The following BDKRB2 variants were observed in gnomAD, a reference collection of about 807,000 sequenced individuals.
The protein encoded by BDKRB2 is B2 bradykinin receptor.
A neutral mutation model predicts 4.0 loss-of-function variants in BDKRB2; 6 were observed. The observed-to-expected ratio is 1.49, with a 90% confidence interval of 0.81 to 2.93. The LOEUF is 2.93. BDKRB2 is among the 30% of genes most tolerant of loss of function. The pLI is 0.00. For synonymous variants in BDKRB2, 225 were observed against 215.3 expected (o/e 1.05, Z -0.40); for missense variants, 478 against 520.1 (o/e 0.92, Z 0.79).
At chr14:96,239,720 G>A (rs555676009) in intron 2 of BDKRB2, 15 of 950,512 alleles carry the variant, frequency 1.6e-5, no homozygotes, top group South Asian at 9.7e-5. Flanking sequence ...GTTCAAGGAC[G>A]TTAAGTAACT....
chr14:96,231,390 C>A (rs1470702989), intron 1 of BDKRB2, among the ~76,000 whole-genome samples: 1 of 152,182 alleles, frequency 6.6e-6, no homozygotes, highest in East Asian at 1.9e-4. Flanking sequence ...ACAGCTTTGG[C>A]CTTCTTTTCA....
intron 1 of BDKRB2, among the ~76,000 whole-genome samples, chr14:96,234,518 C>A (rs1193947741): frequency 6.6e-6 from 1 of 152,116 alleles, no homozygotes; most frequent in Non-Finnish European, 1.5e-5. Context: ...AGAGGAGAAG[C>A]CAGGAGGTGA....
chr14:96,235,229 T>A (rs1186473533), intron 1 of BDKRB2, among the ~76,000 whole-genome samples: 1 of 150,984 alleles, frequency 6.6e-6, no homozygotes, highest in East Asian at 2.0e-4. Flanking sequence ...GCACCTGTGA[T>A]CCCAGCTACT....
intron 1 of BDKRB2, among the ~76,000 whole-genome samples, chr14:96,216,787 AG>A (rs1890436917): frequency 7.0e-6 from 1 of 141,854 alleles, no homozygotes; most frequent in Non-Finnish European, 1.5e-5. Flanking sequence ...GAGGAGGAGG[AG>A]GAGGAAGTAG....
chr14:96,237,073 G>A lies in BDKRB2; in HGVS notation c.-35G>A, dbSNP rs746820715. On this transcript the variant is annotated 5_prime_UTR_variant, in exon 2 of 3. Coordinates refer to ENST00000554311, the MANE Select transcript of BDKRB2 (RefSeq NM_001379692.1). ...CATCTTTTCTTCTCTGTTCAGCCCA[G>A]GTGTGGCCTCACTCACATCCCACTC... The A allele has an allele frequency of 4.8e-5, 74 of 1,555,106 alleles. 2 individuals are homozygous for A. The South Asian group carries it at 8.2e-4, about 17-fold the overall frequency.
intron 2 of BDKRB2, 77 bp downstream of exon 2, chr14:96,237,258 A>C: frequency 7.5e-7 from 1 of 1,339,998 alleles, no homozygotes. Flanking sequence ...GGAAAGCTCA[A>C]CTCTCATGCC....
chr14:96,241,516 C>T lies in BDKRB2; in HGVS notation c.*12C>T, dbSNP rs1018935708. On this transcript the variant is annotated 3_prime_UTR_variant, in exon 3 of 3. Coordinates refer to ENST00000554311, the MANE Select transcript of BDKRB2 (RefSeq NM_001379692.1). ...GGAGCAGACAGTGAGCAAACGCCAG[C>T]AGGGCTGCTGTGAATTTGTGTAAGG... The T allele has an allele frequency of 6.6e-7, 1 of 1,513,158 alleles. No individual in the cohort carries two copies. 93.7% of individuals were successfully genotyped at this position (1,513,158 alleles called of 1,614,324 possible).
chr14:96,209,955 C>T (rs1890268333), intron 1 of BDKRB2, among the ~76,000 whole-genome samples: 1 of 152,050 alleles, frequency 6.6e-6, no homozygotes, highest in Non-Finnish European at 1.5e-5. Flanking sequence ...GAGATCACAC[C>T]ACTGCACTCC....
chr14:96,231,770 G>A (rs1890824058), intron 1 of BDKRB2, among the ~76,000 whole-genome samples: 1 of 152,200 alleles, frequency 6.6e-6, no homozygotes, highest in African/African-American at 2.4e-5. Flanking sequence ...GATGCAGGGT[G>A]GGAAGATGAG....
In BDKRB2 at chr14:96,209,557, C is replaced by T. The variant is rs1415891523; in HGVS notation, c.-40+4598C>T. On this transcript the variant is annotated intron_variant, in intron 1 of 2. Transcript: ENST00000554311. ...AGAAGGAAAAATCGGGGGAAGGTGG[C>T]CAAAAGAGGCAAGCAGTTGCACCCC... Among the ~76,000 whole-genome samples the T allele has an allele frequency of 3.3e-5, 5 of 152,088 alleles. No homozygotes were observed. In the East Asian group the frequency reaches 9.6e-4, roughly 29 times the overall value.
intron 1 of BDKRB2, among the ~76,000 whole-genome samples, chr14:96,221,434 C>T (rs138449251): frequency 6.6e-6 from 1 of 152,096 alleles, no homozygotes; most frequent in Non-Finnish European, 1.5e-5. Flanking sequence ...GGCTGTAGAC[C>T]ACCAATGTGG....
At chr14:96,228,969 G>A (rs1375620922) in intron 1 of BDKRB2, among the ~76,000 whole-genome samples, 1 of 152,184 alleles carries the variant, frequency 6.6e-6, no homozygotes, top group Non-Finnish European at 1.5e-5. Context: ...TCTGGAACAT[G>A]GGAATAGCAA....
chr14:96,236,138 C>T (rs1595263186), intron 1 of BDKRB2, among the ~76,000 whole-genome samples: 1 of 152,130 alleles, frequency 6.6e-6, no homozygotes, highest in South Asian at 2.1e-4. Context: ...CAACTAGGGG[C>T]ACAGAGGAGG....
intron 1 of BDKRB2, among the ~76,000 whole-genome samples, chr14:96,209,997 AAAT>A (rs59871160): frequency 0.26 from 38,003 of 144,316 alleles, 5,733 homozygotes; most frequent in East Asian, 0.74. Flanking sequence ...CTCTATCTCA[AAAT>A]AATAATAATA....
chr14:96,224,256 T>C (rs1403979195), intron 1 of BDKRB2, among the ~76,000 whole-genome samples: 1 of 152,130 alleles, frequency 6.6e-6, no homozygotes, highest in Non-Finnish European at 1.5e-5. Flanking sequence ...CTTGTGGGTA[T>C]ATTCCAAATT....
At chr14:96,229,145 C>T (rs1595258559) in intron 1 of BDKRB2, among the ~76,000 whole-genome samples, 3 of 152,136 alleles carry the variant, frequency 2.0e-5, no homozygotes, top group South Asian at 2.1e-4. Context: ...TATTAAACAC[C>T]TACTAGGTGT....
In BDKRB2 at chr14:96,243,086, C is replaced by G. The variant is rs189444744; in HGVS notation, c.*1582C>G. On this transcript the variant is annotated 3_prime_UTR_variant, in exon 3 of 3. Transcript: ENST00000554311. ...GGGCTAGAACCTAGAGAAGCTAAAA[C>G]CTGAGCTAGAAGCTGGAGGACTAGA... 1.7e-3 allele frequency: 250 copies of G among 143,752 alleles called. 1 individual carries two copies. The highest frequency in any genetic ancestry group is 6.6e-3 in the African/African-American group (242 of 36,756). The allele number at this position is 143,752 out of a possible 1,614,324, so 8.9% of individuals were successfully genotyped here. A position where few individuals can be genotyped will look rare whatever the true frequency, so the allele number is the denominator to read the frequency against.
intron 1 of BDKRB2, among the ~76,000 whole-genome samples, chr14:96,216,666 A>AAGAGGAAGAAGAAGGAGGAGG (rs1185669786): frequency 2.9e-4 from 41 of 143,628 alleles, no homozygotes; most frequent in South Asian, 1.8e-3. Context: ...GAAGGAGGAG[A>AAGAGGAAGAAGAAGGAGGAGG]AGAGGAAGAA....
intron 1 of BDKRB2, among the ~76,000 whole-genome samples, chr14:96,206,246 C>T (rs1282040502): frequency 1.3e-5 from 2 of 152,038 alleles, no homozygotes; most frequent in Non-Finnish European, 1.5e-5. Flanking sequence ...CAAGAGAAGG[C>T]GTCTTTGGAT....
Sources: allele counts gnomAD v4.1 joint callset (sites outside exome capture counted in the v4.1 genomes callset), GRCh38; gene constraint gnomAD v4.1.1; transcripts MANE v1.5; gene names NCBI Gene and HGNC (gene_info 2026-07-23, HGNC 2026-07-21).